The following CAMKK1 variants were observed in gnomAD, a reference collection of about 807,000 sequenced individuals.
CAMKK1 encodes calcium/calmodulin dependent protein kinase kinase 1.
A neutral mutation model predicts 63.5 loss-of-function variants in CAMKK1; 20 were observed. The ratio of observed to expected loss-of-function variants is 0.32; its 90% CI spans 0.22 to 0.46. The LOEUF (loss-of-function observed/expected upper bound fraction) is 0.46, where lower values mean the gene tolerates loss of function less well. Ranked by LOEUF, CAMKK1 falls within the 20% of genes least tolerant of loss-of-function variation. The pLI is 1.00. For synonymous variants in CAMKK1, 253 were observed against 269.0 expected (o/e 0.94, Z 0.58); for missense variants, 588 against 658.1 (o/e 0.89, Z 1.17).
rs551050824 is a variant in CAMKK1, at chr17:3,885,708, T to C, written c.-21A>G. On this transcript the variant is annotated 5_prime_UTR_variant, in exon 2 of 16. Coordinates refer to ENST00000348335, the MANE Select transcript of CAMKK1 (RefSeq NM_032294.3). ...TCCATTGCTTCAGTCAAGGGGGTTC[T>C]TCTGCGTAGCCTTGTTGGGAACCTG... 81 of 1,610,052 alleles carry C rather than the reference T, an allele frequency of 5.0e-5. 1 individual carries two copies. In the Admixed American group the frequency reaches 1.0e-3, roughly 20 times the overall value.
intron 7 of CAMKK1, chr17:3,881,953 C>G: frequency 1.9e-6 from 1 of 535,698 alleles, no homozygotes; most frequent in Non-Finnish European, 3.3e-6. Context: ...TCATAGCAGA[C>G]AGGCAGGTAG....
At position 3,890,781 on chromosome 17, in the gene CAMKK1, C is replaced by G. The variant is rs529183575; in HGVS notation, c.-44+2158G>C. 9.0e-6 allele frequency: 7 copies of G among 779,808 alleles called. No individual in the cohort carries two copies. The highest frequency in any genetic ancestry group is 5.1e-5 in the Admixed American group (3 of 59,040). The allele number at this position is 779,808 out of a possible 1,614,324, so 48.3% of individuals were successfully genotyped here. ...TACAAGCTGTGCCTTCTGCCAGGAA[C>G]ACACCTCCCTCTCCTCTGCTGCCTG... On this transcript the variant is annotated intron_variant, in intron 1 of 15. Coordinates refer to ENST00000348335, the MANE Select transcript of CAMKK1 (RefSeq NM_032294.3). The surrounding 1 kb of genome is among the most constrained non-coding windows in gnomAD (Gnocchi z 6.5).
In CAMKK1 at chr17:3,885,463, T is replaced by C. The variant is rs747926378; in HGVS notation, c.225A>G (p.Leu75=). 3.1e-6 allele frequency: 5 copies of C among 1,613,434 alleles called. No homozygotes were observed. The South Asian group carries it at 4.4e-5, about 14-fold the overall frequency. Residue 75 remains leucine, a synonymous_variant, in exon 2 of 16, where the codon CTA becomes CTG. Coordinates refer to ENST00000348335, the MANE Select transcript of CAMKK1 (RefSeq NM_032294.3). ...GATAGCTTCCTGCTGGCCGCTCCTG[T>C]AGGGAAAGCTTCCTGGCTGAGAGGC... is the stretch of plus-strand genomic sequence containing the variant. ...RPSLSARKLS[L]QERPAGSYLE...
rs56208651 is a variant in CAMKK1, at chr17:3,890,878, A to G, written c.-44+2061T>C. ...CACTACCTGCTGGGTGAGCTCACCAAGTCAAACCCCTTAGAAGTCCAGATT... is the reference window on the plus strand; with the variant it reads ...CACTACCTGCTGGGTGAGCTCACCAGGTCAAACCCCTTAGAAGTCCAGATT... On this transcript the variant is annotated intron_variant, in intron 1 of 15. Transcript: ENST00000348335. The surrounding 1 kb of genome is among the most constrained non-coding windows in gnomAD (Gnocchi z 6.5). 3 of 709,116 alleles carry G rather than the reference A, an allele frequency of 4.2e-6. No individual in the cohort carries two copies. The highest frequency in any genetic ancestry group is 4.0e-5 in the Admixed American group (2 of 50,432). The allele number at this position is 709,116 out of a possible 1,614,324, so 43.9% of individuals were successfully genotyped here.
chr17:3,861,763 AC>A lies in CAMKK1; in HGVS notation c.*447del, dbSNP rs551931272. Reference sequence around the variant, plus strand: ...GCCACCACCCCAAGGTGGGCAGGGTACCCCCCTCTCCACCATATGCCTGTGG... The same window carrying A: ...GCCACCACCCCAAGGTGGGCAGGGTACCCCCTCTCCACCATATGCCTGTGG... On this transcript the variant is annotated 3_prime_UTR_variant, in exon 16 of 16. Coordinates refer to ENST00000348335, the MANE Select transcript of CAMKK1 (RefSeq NM_032294.3). 2.8e-4 allele frequency: 54 copies of A among 190,240 alleles called. No homozygotes were observed. The highest frequency in any genetic ancestry group is 9.5e-4 in the African/African-American group (41 of 43,054). 11.8% of individuals were successfully genotyped at this position (190,240 alleles called of 1,614,324 possible).
rs929951216 is a variant in CAMKK1 at position 3,882,692 on chromosome 17, G to C, written c.649-128C>G. 1.9e-5 allele frequency: 17 copies of C among 914,686 alleles called. No homozygotes were observed. The highest frequency in any genetic ancestry group is 2.8e-5 in the Non-Finnish European group (16 of 581,732). 56.7% of individuals were successfully genotyped at this position (914,686 alleles called of 1,614,324 possible). On this transcript the variant is annotated intron_variant, in intron 6 of 15. Transcript: ENST00000348335. This position sits in a 1 kb window ranked among gnomAD's most constrained non-coding sequence, Gnocchi z 4.3. ...GCAACCACCCCAGACAAGGAAGCAG[G>C]AAGTGTACAGGTGGTGCCAGACTGA...
rs1309352762 is a variant in CAMKK1 at position 3,882,852 on chromosome 17, T to C, written c.648+190A>G. On this transcript the variant is annotated intron_variant, in intron 6 of 15. Transcript: ENST00000348335. The surrounding 1 kb of genome is among the most constrained non-coding windows in gnomAD (Gnocchi z 4.3). ...CACCCTCCATGGGAACTTGGGAACA[T>C]CCCTGACCAGGCTGGGCCCCCAAAG... is the stretch of plus-strand genomic sequence containing the variant. Among the ~76,000 whole-genome samples the C allele has an allele frequency of 6.6e-6, 1 of 152,072 alleles. No individual in the cohort carries two copies. Among genetic ancestry groups the C allele is most frequent in the African/African-American group, 2.4e-5 (1 of 41,402 alleles).
rs1260601244 is a variant in CAMKK1 at position 3,884,363 on chromosome 17, G to A, written c.408+17C>T. The A allele has an allele frequency of 3.7e-6, 6 of 1,613,412 alleles. No individual in the cohort carries two copies. The highest frequency in any genetic ancestry group is 2.2e-5 in the East Asian group (1 of 44,876). On this transcript the variant is annotated intron_variant, in intron 3 of 15. Transcript: ENST00000348335. This position sits in a 1 kb window ranked among gnomAD's most constrained non-coding sequence, Gnocchi z 4.5. ...GAATCCCGAAGCCCCCACTGCTCTCGGCCTGCCCACTCCTACCTTGCCAAT... is the reference window on the plus strand; with the variant it reads ...GAATCCCGAAGCCCCCACTGCTCTCAGCCTGCCCACTCCTACCTTGCCAAT...
intron 8 of CAMKK1, among the ~76,000 whole-genome samples, chr17:3,881,294 G>A (rs982074719): frequency 2.0e-4 from 31 of 152,178 alleles, no homozygotes; most frequent in Non-Finnish European, 2.1e-4. Context: ...TTTGTGATTT[G>A]AATACCGGTA....
intron 10 of CAMKK1, among the ~76,000 whole-genome samples, chr17:3,874,160 T>C (rs1318822172): frequency 6.6e-6 from 1 of 152,168 alleles, no homozygotes; most frequent in African/African-American, 2.4e-5. Context: ...ACTGACAACA[T>C]TCTACAAAAT....
Position 3,885,526 on chromosome 17 carries a change from G to C in CAMKK1, c.162C>G (p.Ile54Met). ...PPPRARAASVIPGSTSRLLPA... is the reference protein window; with the variant it reads ...PPPRARAASVMPGSTSRLLPA... ...GGAGCAGTCTTGAAGTACTGCCAGG[G>C]ATCACAGAGGCAGCTCTGGCCCGTG... The change falls in exon 2 of 16, where the codon ATC (isoleucine) becomes ATG (methionine). Residue 54 changes from isoleucine (I) to methionine (M), a missense_variant. Around this residue, in one of 3 missense-constraint regions of CAMKK1, gnomAD observed 357 missense variants for 407.4 expected, o/e 0.88. Coordinates refer to ENST00000348335, the MANE Select transcript of CAMKK1 (RefSeq NM_032294.3). 6.2e-7 allele frequency: 1 copy of C among 1,613,986 alleles called. No individual in the cohort carries two copies. The highest frequency in any genetic ancestry group is 8.5e-7 in the Non-Finnish European group (1 of 1,180,018).
At chr17:3,885,261 CA>C in intron 2 of CAMKK1, 66 bp downstream of exon 2, 1 of 1,470,126 alleles carries the variant, frequency 6.8e-7, no homozygotes, top group Non-Finnish European at 9.0e-7. Context: ...CAGACAGGGG[CA>C]GGAAAGAGTC....
At position 3,867,330 on chromosome 17, in the gene CAMKK1, C is replaced by T. The variant is rs928654137; in HGVS notation, c.1342-1319G>A. Among the ~76,000 whole-genome samples, 15 of 152,120 alleles carry T rather than the reference C, an allele frequency of 9.9e-5. 1 individual carries two copies. The highest frequency in any genetic ancestry group is 4.1e-4 in the South Asian group (2 of 4,830). On this transcript the variant is annotated intron_variant, in intron 14 of 15. Coordinates refer to ENST00000348335, the MANE Select transcript of CAMKK1 (RefSeq NM_032294.3). ...CCCTTCCATGGCACGTGGCCAGAGA[C>T]GAGTGCATGATGGCGGGACGGTGCA...
intron 15 of CAMKK1, among the ~76,000 whole-genome samples, chr17:3,864,420 G>A (rs1164649827): frequency 6.6e-6 from 1 of 151,694 alleles, no homozygotes; most frequent in Non-Finnish European, 1.5e-5. Flanking sequence ...CTGATTTTTT[G>A]TATTTTTAGT....
chr17:3,869,272 C>T lies in CAMKK1; in HGVS notation c.1341+215G>A, dbSNP rs2054728950. Among the ~76,000 whole-genome samples the T allele has an allele frequency of 1.3e-5, 2 of 152,326 alleles. 1 individual carries two copies. Among genetic ancestry groups the T allele is most frequent in the Non-Finnish European group, 2.9e-5 (2 of 68,028 alleles). On this transcript the variant is annotated intron_variant, in intron 14 of 15. Transcript: ENST00000348335. The stretch of plus-strand genomic sequence containing the variant: ...GCGCCCGGCCCCACGCCCGCTATTT[C>T]TTTAAATCAGTCACTCTCCTCACCA...
Position 3,890,560 on chromosome 17 carries a change from C to A in CAMKK1, c.-44+2379G>T, listed in dbSNP as rs546091753. ...ATCTTCCCCAAACCTGCTCGTCCTC[C>A]TCTGTCTCCATTGCGAGACGGGTAC... On this transcript the variant is annotated intron_variant, in intron 1 of 15. Transcript: ENST00000348335. The surrounding 1 kb of genome is among the most constrained non-coding windows in gnomAD (Gnocchi z 6.5). 1.2e-4 allele frequency: 93 copies of A among 751,364 alleles called. No individual in the cohort carries two copies. Among genetic ancestry groups the A allele is most frequent in the Non-Finnish European group, 2.2e-4 (88 of 401,226 alleles). 46.5% of individuals were successfully genotyped at this position (751,364 alleles called of 1,614,324 possible).
At chr17:3,873,602 T>G in intron 10 of CAMKK1, 140 bp from the exon 11 acceptor site, 8 of 803,108 alleles carry the variant, frequency 1.0e-5, no homozygotes, top group Non-Finnish European at 1.6e-5. Flanking sequence ...CCGCGGTACT[T>G]GCCCGATGCT....
Position 3,860,578 on chromosome 17 carries a change from C to T in CAMKK1, c.*1633G>A, listed in dbSNP as rs1388018951. ...TTGGGGATCAGTGATTGGCTCTTAA[C>T]TTGCCTTCCACTAACTCTATAAAAG... On this transcript the variant is annotated 3_prime_UTR_variant, in exon 16 of 16. Transcript: ENST00000348335. 6.6e-6 allele frequency: 1 copy of T among 152,550 alleles called. No homozygotes were observed. Among genetic ancestry groups the T allele is most frequent in the Non-Finnish European group, 1.5e-5 (1 of 68,050 alleles). 9.4% of individuals were successfully genotyped at this position (152,550 alleles called of 1,614,324 possible). A position where few individuals can be genotyped will look rare whatever the true frequency, so the allele number is the denominator to read the frequency against.
At position 3,862,001 on chromosome 17, in the gene CAMKK1, G is replaced by T; in HGVS notation, c.*210C>A. Reference sequence around the variant, plus strand: ...CAAGAAGAGGAGGATGGCCTCGTGGGAGCCCTGCCCCCAAGACCCCAAATG... The same window carrying T: ...CAAGAAGAGGAGGATGGCCTCGTGGTAGCCCTGCCCCCAAGACCCCAAATG... On this transcript the variant is annotated 3_prime_UTR_variant, in exon 16 of 16. Coordinates refer to ENST00000348335, the MANE Select transcript of CAMKK1 (RefSeq NM_032294.3). This position sits in a 1 kb window ranked among gnomAD's most constrained non-coding sequence, Gnocchi z 4.1. The T allele has an allele frequency of 1.7e-6, 1 of 587,346 alleles. No homozygotes were observed. Among genetic ancestry groups the T allele is most frequent in the Admixed American group, 2.9e-5 (1 of 33,946 alleles). 36.4% of individuals were successfully genotyped at this position (587,346 alleles called of 1,614,324 possible).
Sources: gnomAD v4.1 joint callset for allele counts (sites outside exome capture counted in the v4.1 genomes callset) on GRCh38, gnomAD v4.1.1 for gene constraint, gnomAD v4.1.1 regional missense constraint, Gnocchi (gnomAD v3.1) non-coding constraint, MANE v1.5 for transcripts, NCBI Gene and HGNC (gene_info 2026-07-23, HGNC 2026-07-21) for gene names.